Variants in USP37 observed in about 807,000 individuals in gnomAD.
USP37 encodes ubiquitin specific peptidase 37, also known as ubiquitin carboxyl-terminal hydrolase 37.
A neutral mutation model predicts 124.0 loss-of-function variants in USP37; 27 were observed. The observed-to-expected ratio is 0.22, with a 90% CI of 0.16 to 0.30. The LOEUF (loss-of-function observed/expected upper bound fraction) is 0.30, where lower values mean the gene tolerates loss of function less well. Among genes scored for constraint, USP37 ranks in the 10% least tolerant of loss-of-function variants. The pLI, the probability that USP37 is intolerant of heterozygous loss-of-function variation, is 1.00. For missense variants in USP37, 889 were observed against 1,140.4 expected (o/e 0.78, Z 3.17); for synonymous variants, 365 against 388.0 (o/e 0.94, Z 0.70).
intron 14 of USP37, among the ~76,000 whole-genome samples, chr2:218,495,210 T>C (rs1235608737): frequency 6.6e-6 from 1 of 152,202 alleles, no homozygotes; most frequent in Non-Finnish European, 1.5e-5. Context: ...GGCGTCATCA[T>C]GGCTTACTGC....
chr2:218,502,500 AT>A (rs1309254760), intron 11 of USP37, among the ~76,000 whole-genome samples: 1 of 152,102 alleles, frequency 6.6e-6, no homozygotes, highest in Admixed American at 6.6e-5. Context: ...CAGAAAAAAA[AT>A]CTGAAAAAAT....
intron 25 of USP37, 133 bp from the exon 26 acceptor site, chr2:218,455,150 TAA>T (rs775390751): frequency 1.8e-5 from 20 of 1,106,772 alleles, no homozygotes; most frequent in Non-Finnish European, 2.2e-5. Context: ...GTATTTTATT[TAA>T]AAAGCAGCTC....
intron 23 of USP37, among the ~76,000 whole-genome samples, chr2:218,458,034 T>C (rs188498116): frequency 0.056 from 5,412 of 97,060 alleles, 144 homozygotes; most frequent in East Asian, 0.17. Flanking sequence ...AGCAAGACTC[T>C]GTCTCAAAAA....
At chr2:218,531,485 G>A (rs1422677939) in intron 9 of USP37, among the ~76,000 whole-genome samples, 1 of 152,192 alleles carries the variant, frequency 6.6e-6, no homozygotes, top group Non-Finnish European at 1.5e-5. Context: ...AGCTCTGATG[G>A]AGACATACAA....
intron 10 of USP37, among the ~76,000 whole-genome samples, chr2:218,516,533 C>A (rs528326003): frequency 6.6e-6 from 1 of 151,848 alleles, no homozygotes; most frequent in African/African-American, 2.4e-5. Context: ...CACATGGGGG[C>A]CTGTCAGGGG....
In USP37 at chr2:218,498,073, A is replaced by G; in HGVS notation, c.1110T>C (p.Leu370=). 6.2e-7 allele frequency: 1 copy of G among 1,612,174 alleles called. No individual in the cohort carries two copies. ...FSLQSFANDL[L]KQGIPWKKIP... ...TTTTCTTCCATGGGATACCTTGTTTAAGCAAGTCATTTGCAAATGACTGGA... is the reference window on the plus strand; with the variant it reads ...TTTTCTTCCATGGGATACCTTGTTTGAGCAAGTCATTTGCAAATGACTGGA... Residue 370 remains leucine (L), a synonymous_variant, in exon 12 of 26, where the codon CTT becomes CTC. Transcript: ENST00000258399.
intron 8 of USP37, among the ~76,000 whole-genome samples, chr2:218,541,369 T>C (rs1359416808): frequency 6.6e-6 from 1 of 152,132 alleles, no homozygotes; most frequent in Admixed American, 6.5e-5. Context: ...TGCTGCTATA[T>C]AACGAGGGCA....
At chr2:218,464,232 T>C (rs565009580) in intron 21 of USP37, among the ~76,000 whole-genome samples, 11 of 151,768 alleles carry the variant, frequency 7.2e-5, no homozygotes, top group African/African-American at 2.2e-4. Context: ...CTAGAGAAAT[T>C]AGATTTCTTT....
chr2:218,519,573 G>A (rs1690481177), intron 10 of USP37, among the ~76,000 whole-genome samples: 1 of 151,898 alleles, frequency 6.6e-6, no homozygotes, highest in South Asian at 2.1e-4. Context: ...TGGGAACTCT[G>A]GATTTCCTCC....
chr2:218,540,040 T>C (rs1691887169), intron 8 of USP37, among the ~76,000 whole-genome samples: 1 of 152,106 alleles, frequency 6.6e-6, no homozygotes, highest in African/African-American at 2.4e-5. Flanking sequence ...ATTTCTTTGT[T>C]GAGAGCTTTT....
intron 18 of USP37, among the ~76,000 whole-genome samples, chr2:218,478,931 AG>A (rs1691107275): frequency 6.6e-6 from 1 of 152,160 alleles, no homozygotes; most frequent in African/African-American, 2.4e-5. Context: ...TGGTTATATA[AG>A]CCCCCCAAAA....
At chr2:218,567,953 A>G (rs1213207820) in intron 1 of USP37, among the ~76,000 whole-genome samples, 2 of 152,162 alleles carry the variant, frequency 1.3e-5, no homozygotes, top group African/African-American at 2.4e-5. Flanking sequence ...TGAGTTTCGG[A>G]GGGAGCGAGT....
intron 8 of USP37, among the ~76,000 whole-genome samples, chr2:218,542,103 C>A (rs181742652): frequency 1.2e-4 from 19 of 152,312 alleles, no homozygotes; most frequent in Non-Finnish European, 2.8e-4. Flanking sequence ...GAAGCCTATT[C>A]TCTGTGGTAC....
At chr2:218,498,287 C>T (rs1014914775) in intron 11 of USP37, 130 bp from the exon 12 acceptor site, 1 of 932,578 alleles carries the variant, frequency 1.1e-6, no homozygotes, top group African/African-American at 1.7e-5. Flanking sequence ...TTACTACACC[C>T]TAACCCCAAG....
chr2:218,526,722 G>T (rs957612248), intron 10 of USP37, among the ~76,000 whole-genome samples: 5 of 146,730 alleles, frequency 3.4e-5, no homozygotes, highest in Admixed American at 1.4e-4. Context: ...TTTTCTTCCA[G>T]AATACTGTTA....
At chr2:218,538,216 T>C (rs976666989) in intron 8 of USP37, among the ~76,000 whole-genome samples, 1 of 152,166 alleles carries the variant, frequency 6.6e-6, no homozygotes, top group Non-Finnish European at 1.5e-5. Context: ...GGGACTGCCT[T>C]GAAAGACAGT....
At chr2:218,467,452 G>A (rs1202883714) in intron 20 of USP37, among the ~76,000 whole-genome samples, 1 of 151,966 alleles carries the variant, frequency 6.6e-6, no homozygotes, top group African/African-American at 2.4e-5. Flanking sequence ...GGGTTCCAGC[G>A]ATTCTCCTGC....
intron 22 of USP37, 47 bp from the exon 23 acceptor site, chr2:218,459,952 T>C (rs762987634): frequency 1.9e-5 from 28 of 1,455,906 alleles, no homozygotes; most frequent in Non-Finnish European, 1.6e-5. Context: ...TGGAATAGAA[T>C]GGACGTGGTG....
Position 218,474,749 on chromosome 2 carries a change from T to C in USP37, c.2180A>G (p.Glu727Gly), listed in dbSNP as rs1690873266. ...GCTGCTAGTTGGCTTATCATCATCT[T>C]CATGACTCAGAGATGGTGAAGCATC... ...KRDASPSLSH[E>G]DDDKPTSSPD... The change falls in exon 20 of 26, where the codon GAA becomes GGA. Residue 727 changes from glutamate (E) to glycine (G), a missense_variant. By Grantham distance (98) the Glu-to-Gly change is moderately conservative. Transcript: ENST00000258399. 6.2e-7 allele frequency: 1 copy of C among 1,614,056 alleles called. No individual in the cohort carries two copies. Among genetic ancestry groups the C allele is most frequent in the African/African-American group, 1.3e-5 (1 of 74,916 alleles).
Sources: allele counts gnomAD v4.1 joint callset (sites outside exome capture counted in the v4.1 genomes callset), GRCh38; gene constraint gnomAD v4.1.1; transcripts MANE v1.5; gene names NCBI Gene and HGNC (gene_info 2026-07-23, HGNC 2026-07-21).